The following MSI2 variants were observed in gnomAD, a reference collection of about 807,000 sequenced individuals.
MSI2 encodes the protein RNA-binding protein Musashi homolog 2.
In MSI2, 17 loss-of-function variants were observed where a neutral mutation model predicts 45.6. The ratio of observed to expected loss-of-function variants is 0.37; its 90% CI spans 0.26 to 0.56. The LOEUF (loss-of-function observed/expected upper bound fraction) is 0.56. Among genes scored for constraint, MSI2 ranks in the 20% least tolerant of loss-of-function variants. MSI2 has a pLI of 0.77. For missense variants in MSI2, 293 were observed against 444.2 expected (o/e 0.66, Z 3.06); for synonymous variants, 156 against 158.2 (o/e 0.99, Z 0.11).
At chr17:57,506,413 G>A (rs1013552763) in intron 6 of MSI2, among the ~76,000 whole-genome samples, 1 of 152,232 alleles carries the variant, frequency 6.6e-6, no homozygotes, top group African/African-American at 2.4e-5. Context: ...TATGCACAGA[G>A]ATGTGATAAA....
In MSI2 at chr17:57,677,407, G is replaced by A. The variant is rs933665637; in HGVS notation, c.*31+348G>A. On this transcript the variant is annotated intron_variant, in intron 13 of 13. Coordinates refer to ENST00000284073, the MANE Select transcript of MSI2 (RefSeq NM_138962.4). ...TGGAAGGAGATCTCGTGCTGTGCCC[G>A]TCCCAGGGGGATAGAGGCAGGGAAG... Among the ~76,000 whole-genome samples the A allele has an allele frequency of 2.6e-5, 4 of 152,108 alleles. No homozygotes were observed. In the East Asian group the frequency reaches 5.8e-4, roughly 22 times the overall value.
chr17:57,677,981 A>T (rs1913351985), intron 13 of MSI2, among the ~76,000 whole-genome samples: 2 of 152,220 alleles, frequency 1.3e-5, no homozygotes, highest in African/African-American at 4.8e-5. Context: ...TCTGGAAAAG[A>T]GAGGGTGACA....
intron 6 of MSI2, among the ~76,000 whole-genome samples, chr17:57,471,859 G>A (rs2085443698): frequency 6.6e-6 from 1 of 152,220 alleles, no homozygotes; most frequent in African/African-American, 2.4e-5. Flanking sequence ...AAAGCCATCA[G>A]CATCTGGAGG....
intron 11 of MSI2, among the ~76,000 whole-genome samples, chr17:57,653,504 G>C (rs189174736): frequency 6.6e-6 from 1 of 152,152 alleles, no homozygotes; most frequent in Admixed American, 6.5e-5. Context: ...GGCCCCGGGG[G>C]CGGGGTGCAC....
rs186663504 is a variant in MSI2, at chr17:57,546,232, T to A, written c.454+16508T>A. ...TAATGAATAAAGAAACATTACTTTC[T>A]GAACACAATCTTCTGTCACCAGTCA... is the stretch of plus-strand genomic sequence containing the variant. On this transcript the variant is annotated intron_variant, in intron 7 of 13. Coordinates refer to ENST00000284073, the MANE Select transcript of MSI2 (RefSeq NM_138962.4). Among the ~76,000 whole-genome samples, 14 of 152,362 alleles carry A rather than the reference T, an allele frequency of 9.2e-5. No individual in the cohort carries two copies. In the East Asian group the frequency reaches 2.7e-3, roughly 29 times the overall value.
intron 5 of MSI2, among the ~76,000 whole-genome samples, chr17:57,334,463 A>G (rs753743240): frequency 6.6e-5 from 10 of 152,090 alleles, no homozygotes; most frequent in Admixed American, 1.3e-4. Flanking sequence ...CAGCTGGGGA[A>G]CGCCTCTGAA....
rs117873378 is a variant in MSI2 at position 57,324,377 on chromosome 17, G to A, written c.312+62185G>A. On this transcript the variant is annotated intron_variant, in intron 5 of 13. Transcript: ENST00000284073. ...TTCCTCATCTTACCCGCTGGCTCCC[G>A]CGGTCATATACTCCCCGGTCAGTCA... Among the ~76,000 whole-genome samples the A allele has an allele frequency of 1.9e-4, 29 of 152,058 alleles. 1 individual carries two copies. The East Asian group carries it at 4.9e-3, about 26-fold the overall frequency.
rs58596259 is a variant in MSI2 at position 57,350,225 on chromosome 17, G to GGTGTGTGTGTGTGTGT, written c.313-51139_313-51124dup. ...TATTGTTAACAGTGCCAGAGGTAGG[G>GGTGTGTGTGTGTGTGT]GTGTGTGTGTGTGTGTGTGTGTGTG... is the stretch of plus-strand genomic sequence containing the variant. On this transcript the variant is annotated intron_variant, in intron 5 of 13. Transcript: ENST00000284073. Among the ~76,000 whole-genome samples the GGTGTGTGTGTGTGTGT allele has an allele frequency of 5.2e-3, 756 of 146,736 alleles. 5 individuals are homozygous for GGTGTGTGTGTGTGTGT. The highest frequency in any genetic ancestry group is 0.013 in the African/African-American group (513 of 39,098).
chr17:57,564,128 T>C (rs2087668382), intron 7 of MSI2, among the ~76,000 whole-genome samples: 1 of 152,250 alleles, frequency 6.6e-6, no homozygotes, highest in South Asian at 2.1e-4. Context: ...CCATCCTCTC[T>C]GCCTGTGTGA....
chr17:57,397,072 C>T (rs2083904170), intron 5 of MSI2, among the ~76,000 whole-genome samples: 1 of 152,168 alleles, frequency 6.6e-6, no homozygotes, highest in Non-Finnish European at 1.5e-5. Flanking sequence ...AGCTCTCCAT[C>T]TCAGTTCACT....
chr17:57,537,937 G>A (rs1210762794), intron 7 of MSI2, among the ~76,000 whole-genome samples: 2 of 152,194 alleles, frequency 1.3e-5, no homozygotes, highest in African/African-American at 4.8e-5. Flanking sequence ...CACCAAAAGG[G>A]TGGTGACCTA....
At chr17:57,616,272 T>C in intron 9 of MSI2, 188 bp downstream of exon 9, 1 of 555,038 alleles carries the variant, frequency 1.8e-6, no homozygotes. Context: ...GGTGTGTGTG[T>C]GTGCATGCAT....
At chr17:57,466,440 C>T (rs1234687648) in intron 6 of MSI2, among the ~76,000 whole-genome samples, 2 of 152,150 alleles carry the variant, frequency 1.3e-5, no homozygotes, top group African/African-American at 4.8e-5. Flanking sequence ...CAAGACTGTG[C>T]GATTTCAAAC....
chr17:57,420,801 G>C (rs1042333056), intron 6 of MSI2, among the ~76,000 whole-genome samples: 5 of 152,192 alleles, frequency 3.3e-5, no homozygotes, highest in African/African-American at 1.2e-4. Flanking sequence ...TTCCTCAACA[G>C]CAGGTGTCTG....
intron 5 of MSI2, among the ~76,000 whole-genome samples, chr17:57,379,370 GA>G (rs1224115190): frequency 6.6e-6 from 1 of 152,078 alleles, no homozygotes; most frequent in Non-Finnish European, 1.5e-5. Flanking sequence ...GTACTTTATG[GA>G]AGGGTGTCTT....
At chr17:57,348,845 C>A (rs936699533) in intron 5 of MSI2, among the ~76,000 whole-genome samples, 3 of 152,206 alleles carry the variant, frequency 2.0e-5, no homozygotes, top group Non-Finnish European at 2.9e-5. Context: ...TTTCCCAACT[C>A]ACATCCCCTC....
intron 5 of MSI2, among the ~76,000 whole-genome samples, chr17:57,337,397 C>T (rs1484147498): frequency 1.3e-5 from 2 of 152,160 alleles, no homozygotes; most frequent in Non-Finnish European, 2.9e-5. Context: ...GTGGTCCATG[C>T]GAATACTCAC....
At chr17:57,460,864 G>A (rs1354393391) in intron 6 of MSI2, among the ~76,000 whole-genome samples, 1 of 152,142 alleles carries the variant, frequency 6.6e-6, no homozygotes, top group Non-Finnish European at 1.5e-5. Flanking sequence ...TCTGAGGAGG[G>A]TGGCAGGCTC....
At chr17:57,364,520 G>A (rs948229540) in intron 5 of MSI2, among the ~76,000 whole-genome samples, 3 of 152,148 alleles carry the variant, frequency 2.0e-5, no homozygotes, top group Admixed American at 6.5e-5. Context: ...TTATTTCAAG[G>A]AACACAATCC....
Sources: allele counts gnomAD v4.1 joint callset (sites outside exome capture counted in the v4.1 genomes callset), GRCh38; gene constraint gnomAD v4.1.1; transcripts MANE v1.5; gene names NCBI Gene and HGNC (gene_info 2026-07-23, HGNC 2026-07-21).